Variants in ATP6AP2 observed in about 807,000 individuals in gnomAD.
ATP6AP2 encodes the protein renin receptor.
Under a neutral mutation model 23.4 loss-of-function variants are expected in ATP6AP2, and 1 was observed. The observed-to-expected ratio is 0.04, with a 90% CI of 0.02 to 0.20. The LOEUF is 0.20. Ranked by LOEUF, ATP6AP2 falls within the 10% of genes least tolerant of loss-of-function variation. ATP6AP2 has a pLI of 1.00. For synonymous variants in ATP6AP2, 90 were observed against 97.1 expected (o/e 0.93, Z 0.43); for missense variants, 174 against 271.3 (o/e 0.64, Z 2.52).
chrX:40,600,962 T>C (rs1253864667), intron 8 of ATP6AP2, 81 bp downstream of exon 8: 1 of 978,369 alleles, frequency 1.0e-6, no homozygotes, highest in Non-Finnish European at 1.4e-6. Flanking sequence ...CTATATCACC[T>C]AAGGGTGACA....
rs1221019922 is a variant in ATP6AP2, at chrX:40,606,843, A to T, written c.*1088A>T. 1.8e-5 allele frequency: 2 copies of T among 111,030 alleles called. No individual in the cohort carries two copies. The highest frequency in any genetic ancestry group is 1.9e-4 in the Admixed American group (2 of 10,408). The allele number at this position is 111,030 out of a possible 1,213,427, so 9.2% of individuals were successfully genotyped here. On this transcript the variant is annotated 3_prime_UTR_variant, in exon 9 of 9. Coordinates refer to ENST00000636580, the MANE Select transcript of ATP6AP2 (RefSeq NM_005765.3). Reference sequence around the variant, plus strand: ...ATTCTTGTTACTGAATTTATATAGGATATATGAGAAATGCATACTTTATGT... The same window carrying T: ...ATTCTTGTTACTGAATTTATATAGGTTATATGAGAAATGCATACTTTATGT...
Position 40,605,531 on chromosome X carries a change from CTT to C in ATP6AP2, c.859-29_859-28del, listed in dbSNP as rs746457114. ...ATTTCCTATTTTAAAATTCTTCCCT[CTT>C]GATTTTTCTTTCTTTTCTATATTGT... On this transcript the variant is annotated intron_variant, in intron 8 of 8. Coordinates refer to ENST00000636580, the MANE Select transcript of ATP6AP2 (RefSeq NM_005765.3). 8.9e-6 allele frequency: 10 copies of C among 1,128,572 alleles called. No homozygotes were observed. The South Asian group carries it at 1.8e-4, about 21-fold the overall frequency. 93.0% of individuals were successfully genotyped at this position (1,128,572 alleles called of 1,213,427 possible).
intron 8 of ATP6AP2, chrX:40,605,286 C>T (rs1394297351): frequency 3.9e-5 from 13 of 333,292 alleles, no homozygotes; most frequent in East Asian, 5.5e-5. Flanking sequence ...TTTTCCCTAG[C>T]GTATGGACTT....
chrX:40,597,549 C>A lies in ATP6AP2; in HGVS notation c.419C>A (p.Ala140Glu). 8.3e-7 allele frequency: 1 copy of A among 1,210,972 alleles called. No homozygotes were observed. Among genetic ancestry groups the A allele is most frequent in the Non-Finnish European group, 1.1e-6 (1 of 894,784 alleles). The change falls in exon 5 of 9, where the codon GCA (alanine) becomes GAA (glutamate). Residue 140 changes from alanine to glutamate, a missense_variant. Ala to Glu is a moderately radical substitution (Grantham distance 107). Coordinates refer to ENST00000636580, the MANE Select transcript of ATP6AP2 (RefSeq NM_005765.3). The stretch of plus-strand genomic sequence containing the variant: ...CAGAGAGTGTATATGGTAGGGAAGG[C>A]AAACTCAGTGTTTGAAGACCTTTCA... Reference protein sequence around the residue: ...SEERVYMVGKANSVFEDLSVT... With the variant: ...SEERVYMVGKENSVFEDLSVT...
In ATP6AP2 at chrX:40,605,754, GA is replaced by G. The variant is rs1927056084; in HGVS notation, c.*1del. 3 of 1,201,929 alleles carry G rather than the reference GA, an allele frequency of 2.5e-6. No individual in the cohort carries two copies. Among genetic ancestry groups the G allele is most frequent in the South Asian group, 1.8e-5 (1 of 56,720 alleles). ...RMTNQKIRMD[*>X] is the part of the protein sequence containing the mutation. ...ACAAACCAGAAGATTCGAATGGATT[GA>G]ATGTTACCTGTGCCAGAATTAGAAA... On this transcript the variant is annotated frameshift_variant and stop_lost, in exon 9 of 9. Coordinates refer to ENST00000636580, the MANE Select transcript of ATP6AP2 (RefSeq NM_005765.3). LOFTEE classifies it high-confidence loss of function.
chrX:40,604,726 T>C (rs771597795), intron 8 of ATP6AP2, among the ~76,000 whole-genome samples: 1 of 111,804 alleles, frequency 8.9e-6, no homozygotes, highest in East Asian at 2.8e-4. Context: ...TGACTGCATA[T>C]GTATTTGTTC....
At chrX:40,592,814 A>AT (rs1459212319) in intron 3 of ATP6AP2, among the ~76,000 whole-genome samples, 2 of 110,221 alleles carry the variant, frequency 1.8e-5, no homozygotes, top group Non-Finnish European at 3.8e-5. Context: ...CCAAGTACAC[A>AT]TGGCATACTT....
chrX:40,596,734 C>CTT (rs1358642855), intron 3 of ATP6AP2, among the ~76,000 whole-genome samples: 2 of 112,138 alleles, frequency 1.8e-5, no homozygotes, highest in African/African-American at 6.5e-5. Context: ...TTGTGACATA[C>CTT]TTAACACCTT....
intron 8 of ATP6AP2, among the ~76,000 whole-genome samples, chrX:40,601,948 C>T (rs938468148): frequency 4.4e-5 from 5 of 112,457 alleles, no homozygotes; most frequent in Non-Finnish European, 7.5e-5. Flanking sequence ...CACCATAAAA[C>T]GTCTAGAAAT....
At chrX:40,593,340 A>G (rs1333728012) in intron 3 of ATP6AP2, among the ~76,000 whole-genome samples, 8 of 110,876 alleles carry the variant, frequency 7.2e-5, no homozygotes, top group African/African-American at 2.3e-4. Context: ...CTCTACTTCT[A>G]TGAGTTCAAC....
chrX:40,602,172 C>T (rs1297644686), intron 8 of ATP6AP2, among the ~76,000 whole-genome samples: 2 of 99,545 alleles, frequency 2.0e-5, no homozygotes, highest in Non-Finnish European at 3.8e-5. Context: ...ATCCCAGCTA[C>T]TTGGAAGGCT....
Position 40,599,857 on chromosome X carries a change from G to A in ATP6AP2, c.738+116G>A, listed in dbSNP as rs773268106. On this transcript the variant is annotated intron_variant, in intron 7 of 8. Transcript: ENST00000636580. ...TTGAACTCTTATTTGCCTTCTTTGG[G>A]GCTCCTCTAATTATACTGGCCAAGG... The A allele has an allele frequency of 1.7e-5, 16 of 931,302 alleles. 1 individual carries two copies. In the South Asian group the frequency reaches 3.3e-4, roughly 19 times the overall value. The allele number at this position is 931,302 out of a possible 1,213,427, so 76.7% of individuals were successfully genotyped here.
intron 1 of ATP6AP2, among the ~76,000 whole-genome samples, chrX:40,582,539 AT>A (rs1926357520): frequency 8.9e-6 from 1 of 111,799 alleles, no homozygotes; most frequent in Non-Finnish European, 1.9e-5. Flanking sequence ...AAATCTGCAG[AT>A]CTCTGTCCCT....
chrX:40,586,475 G>A (rs1437063806), intron 1 of ATP6AP2, among the ~76,000 whole-genome samples: 1 of 111,750 alleles, frequency 8.9e-6, no homozygotes, highest in Non-Finnish European at 1.9e-5. Flanking sequence ...GAGGAAGCAG[G>A]TAGCTCAAGA....
intron 8 of ATP6AP2, among the ~76,000 whole-genome samples, chrX:40,604,554 A>C (rs1927021825): frequency 9.0e-6 from 1 of 111,460 alleles, no homozygotes; most frequent in South Asian, 3.8e-4. Context: ...GGGATTACAA[A>C]TCGAGATGAG....
At chrX:40,596,135 C>T (rs1408789607) in intron 3 of ATP6AP2, among the ~76,000 whole-genome samples, 2 of 109,627 alleles carry the variant, frequency 1.8e-5, no homozygotes, top group African/African-American at 3.3e-5. Context: ...GCCGAGATCG[C>T]GCCACTGTAC....
intron 3 of ATP6AP2, among the ~76,000 whole-genome samples, chrX:40,593,682 A>G (rs1732699158): frequency 9.2e-6 from 1 of 108,906 alleles, no homozygotes; most frequent in Non-Finnish European, 1.9e-5. Flanking sequence ...AATTTTTTGT[A>G]TTTTTAGTAG....
intron 3 of ATP6AP2, among the ~76,000 whole-genome samples, chrX:40,594,146 CT>C (rs1030361443): frequency 8.9e-6 from 1 of 112,261 alleles, no homozygotes; most frequent in African/African-American, 3.2e-5. Flanking sequence ...AATCAGTCTA[CT>C]TTGTAAACTT....
chrX:40,605,808 A>C lies in ATP6AP2; in HGVS notation c.*53A>C. ...GGGGTTGGAAATTGGCTGTTTTGTT[A>C]AAATATATCTTTTAGTGTGCTTTAA... On this transcript the variant is annotated 3_prime_UTR_variant, in exon 9 of 9. Coordinates refer to ENST00000636580, the MANE Select transcript of ATP6AP2 (RefSeq NM_005765.3). 9.7e-7 allele frequency: 1 copy of C among 1,031,350 alleles called. No homozygotes were observed. The highest frequency in any genetic ancestry group is 1.4e-6 in the Non-Finnish European group (1 of 734,435). 85.0% of individuals were successfully genotyped at this position (1,031,350 alleles called of 1,213,427 possible). A position where few individuals can be genotyped will look rare whatever the true frequency, so the allele number is the denominator to read the frequency against.
Sources: gnomAD v4.1 joint callset for allele counts (sites outside exome capture counted in the v4.1 genomes callset) on GRCh38, gnomAD v4.1.1 for gene constraint, MANE v1.5 for transcripts, NCBI Gene and HGNC (gene_info 2026-07-23, HGNC 2026-07-21) for gene names.